The following LINGO2 variants were observed in gnomAD, a reference collection of about 807,000 sequenced individuals.
LINGO2 encodes the protein leucine-rich repeat and immunoglobulin-like domain-containing nogo receptor-interacting protein 2.
Under a neutral mutation model 30.6 loss-of-function variants are expected in LINGO2, and 14 were observed. That is an observed-to-expected ratio of 0.46 (90% CI 0.30 to 0.72). LINGO2 has a LOEUF of 0.72. LINGO2 is among the 30% of genes least tolerant of loss of function. The probability of loss-of-function intolerance (pLI) is 0.07; values close to 1 mark genes in which losing one functional copy is unlikely to be tolerated. For missense variants in LINGO2, 729 were observed against 751.7 expected, an observed-to-expected ratio of 0.97 and a Z score of 0.35; for synonymous variants, 317 against 288.5, an observed-to-expected ratio of 1.10 and a Z score of -1.00.
chr9:28,004,613 T>C (rs972365091), intron 5 of LINGO2, among the ~76,000 whole-genome samples: 4 of 149,554 alleles, frequency 2.7e-5, no homozygotes, highest in African/African-American at 7.6e-5. Context: ...AGTTGATAAA[T>C]AGTGTGATAA....
At chr9:28,180,447 CATTAACAT>C (rs992359364) in intron 4 of LINGO2, among the ~76,000 whole-genome samples, 1 of 152,128 alleles carries the variant, frequency 6.6e-6, no homozygotes, top group African/African-American at 2.4e-5. Context: ...TTCTGTTTTG[CATTAACAT>C]ACTGATCACT....
intron 2 of LINGO2, among the ~76,000 whole-genome samples, chr9:28,411,375 T>C (rs1217713799): frequency 6.6e-6 from 1 of 152,124 alleles, no homozygotes; most frequent in Admixed American, 6.6e-5. Flanking sequence ...CAATATACTA[T>C]CTTAACCATT....
At chr9:28,448,112 C>T (rs1031244071) in intron 2 of LINGO2, among the ~76,000 whole-genome samples, 1 of 152,010 alleles carries the variant, frequency 6.6e-6, no homozygotes, top group Non-Finnish European at 1.5e-5. Context: ...GACAGCTAGT[C>T]TTTCTACTGG....
In LINGO2 at chr9:28,041,533, A is replaced by G. The variant is rs552221429; in HGVS notation, c.-86-29128T>C. On this transcript the variant is annotated intron_variant, in intron 4 of 5. Coordinates refer to ENST00000379992, the Ensembl canonical transcript of LINGO2. ...GCTACTTAGAGGAAAATTGGCTGAC[A>G]TGGAAGGCTGATATAATTTAAGTCC... Among the ~76,000 whole-genome samples, 50 of 152,314 alleles carry G rather than the reference A, an allele frequency of 3.3e-4. No individual in the cohort carries two copies. In the South Asian group the frequency reaches 3.5e-3, roughly 11 times the overall value.
chr9:28,379,674 C>A (rs887002805), intron 2 of LINGO2, among the ~76,000 whole-genome samples: 1 of 152,014 alleles, frequency 6.6e-6, no homozygotes, highest in Non-Finnish European at 1.5e-5. Flanking sequence ...ATTATTATAC[C>A]TGTAGTATAT....
chr9:28,288,794 T>A (rs1281903217), intron 4 of LINGO2, among the ~76,000 whole-genome samples: 1 of 152,156 alleles, frequency 6.6e-6, no homozygotes, highest in South Asian at 2.1e-4. Context: ...AAGAGTTACA[T>A]AGGTGAGAAT....
At chr9:27,949,700 G>A (rs138682295) in exon 6 of LINGO2, 82 of 1,614,008 alleles carry the variant, frequency 5.1e-5, no homozygotes, top group Non-Finnish European at 5.9e-5. Context: ...CATTGAGCAC[G>A]CGTAGGAAGC....
chr9:28,541,538 C>T (rs918639280), intron 1 of LINGO2, among the ~76,000 whole-genome samples: 4 of 152,196 alleles, frequency 2.6e-5, no homozygotes, highest in South Asian at 2.1e-4. Flanking sequence ...AGAAAACTTC[C>T]GATGTGTGGC....
chr9:29,003,651 T>C, the LINGO2 span, among the ~76,000 whole-genome samples: 6 of 151,982 alleles, frequency 3.9e-5, no homozygotes, highest in African/African-American at 1.2e-4. Flanking sequence ...ATAGCTTATA[T>C]CTGGAATACT....
chr9:28,977,860 G>C, the LINGO2 span, among the ~76,000 whole-genome samples: 1 of 152,066 alleles, frequency 6.6e-6, no homozygotes, highest in African/African-American at 2.4e-5. Context: ...GCTGAATTCT[G>C]GCTGAGCAGT....
intron 4 of LINGO2, among the ~76,000 whole-genome samples, chr9:28,180,715 G>A (rs1828887496): frequency 6.6e-6 from 1 of 152,136 alleles, no homozygotes; most frequent in African/African-American, 2.4e-5. Context: ...GGAAGGAGAA[G>A]GAAGGTTGCC....
At chr9:29,036,512 G>A in the LINGO2 span, among the ~76,000 whole-genome samples, 1 of 151,882 alleles carries the variant, frequency 6.6e-6, no homozygotes, top group Non-Finnish European at 1.5e-5. Context: ...AAAGGAAAAG[G>A]GATTGGAAAT....
chr9:28,720,439 T>C, the LINGO2 span, among the ~76,000 whole-genome samples: 1 of 152,090 alleles, frequency 6.6e-6, no homozygotes, highest in Non-Finnish European at 1.5e-5. Context: ...ATCTGTTTAC[T>C]GGACTGTGCC....
the LINGO2 span, among the ~76,000 whole-genome samples, chr9:28,822,386 C>A: frequency 6.6e-6 from 1 of 152,032 alleles, no homozygotes; most frequent in South Asian, 2.1e-4. Context: ...CTTTAAGTAA[C>A]CAGAAATGCA....
At chr9:27,997,814 A>G (rs553457649) in intron 5 of LINGO2, among the ~76,000 whole-genome samples, 1 of 152,276 alleles carries the variant, frequency 6.6e-6, no homozygotes, top group Admixed American at 6.5e-5. Context: ...AATTTAATGC[A>G]CTTATTTTCC....
the LINGO2 span, among the ~76,000 whole-genome samples, chr9:28,975,445 G>C: frequency 6.6e-6 from 1 of 152,146 alleles, no homozygotes; most frequent in South Asian, 2.1e-4. Flanking sequence ...TATTAGAAAA[G>C]AAGGCTACTG....
the LINGO2 span, among the ~76,000 whole-genome samples, chr9:29,012,858 C>A: frequency 1.8e-3 from 278 of 152,208 alleles, 1 homozygote; most frequent in African/African-American, 6.3e-3. Context: ...CATTAGTAGA[C>A]TTTGATCCAC....
At chr9:28,518,792 A>T (rs1351718091) in intron 1 of LINGO2, among the ~76,000 whole-genome samples, 2 of 152,206 alleles carry the variant, frequency 1.3e-5, no homozygotes, top group Non-Finnish European at 2.9e-5. Flanking sequence ...TGAGGGCTCC[A>T]TGTCACATAA....
intron 4 of LINGO2, among the ~76,000 whole-genome samples, chr9:28,020,313 G>C (rs1172757648): frequency 6.6e-6 from 1 of 152,130 alleles, no homozygotes; most frequent in African/African-American, 2.4e-5. Flanking sequence ...CAGACCACTT[G>C]AGGTCAGGAG....
Sources: allele counts gnomAD v4.1 joint callset (sites outside exome capture counted in the v4.1 genomes callset), GRCh38; gene constraint gnomAD v4.1.1; transcripts MANE v1.5; gene names NCBI Gene and HGNC (gene_info 2026-07-23, HGNC 2026-07-21).